The following DPP6 variants were observed in gnomAD, a reference collection of about 807,000 sequenced individuals.
The protein encoded by DPP6 is dipeptidyl peptidase like 6.
A neutral mutation model predicts 122.6 loss-of-function variants in DPP6; 69 were observed. The observed-to-expected ratio is 0.56, with a 90% CI of 0.46 to 0.69. The LOEUF (loss-of-function observed/expected upper bound fraction) is 0.69, where lower values mean the gene tolerates loss of function less well. Among genes scored for constraint, DPP6 ranks in the 30% least tolerant of loss-of-function variants. The probability of loss-of-function intolerance (pLI) is 0.00; values close to 1 mark genes in which losing one functional copy is unlikely to be tolerated. For synonymous variants in DPP6, 418 were observed against 433.1 expected (o/e 0.97, Z 0.43); for missense variants, 928 against 1,116.9 (o/e 0.83, Z 2.41).
intron 1 of DPP6, among the ~76,000 whole-genome samples, chr7:154,028,692 G>T (rs1334828688): frequency 1.3e-5 from 2 of 152,150 alleles, no homozygotes; most frequent in African/African-American, 2.4e-5. Context: ...TGAAGAAGCT[G>T]ATAGAAGCAG....
At chr7:154,150,637 G>A (rs1255508000) in intron 1 of DPP6, among the ~76,000 whole-genome samples, 1 of 152,194 alleles carries the variant, frequency 6.6e-6, no homozygotes, top group Non-Finnish European at 1.5e-5. Flanking sequence ...TTTCACCTAG[G>A]ATGGCTTCCA....
intron 10 of DPP6, among the ~76,000 whole-genome samples, chr7:154,775,995 C>CG (rs1796536645): frequency 6.6e-6 from 1 of 152,006 alleles, no homozygotes; most frequent in Non-Finnish European, 1.5e-5. Flanking sequence ...TGCAACCCCC[C>CG]GCCGTTCCCC....
the DPP6 span, among the ~76,000 whole-genome samples, chr7:153,805,219 A>ATGG: frequency 6.6e-6 from 1 of 152,192 alleles, no homozygotes; most frequent in Non-Finnish European, 1.5e-5. Context: ...ATAGGAAGCA[A>ATGG]TGGTCTTTAT....
At chr7:153,909,996 C>T (rs1203026036) in intron 1 of DPP6, among the ~76,000 whole-genome samples, 2 of 152,178 alleles carry the variant, frequency 1.3e-5, no homozygotes, top group African/African-American at 4.8e-5. Context: ...TGCCTACATC[C>T]ACCCTCTCTC....
At chr7:153,854,325 C>A in the DPP6 span, among the ~76,000 whole-genome samples, 1 of 151,796 alleles carries the variant, frequency 6.6e-6, no homozygotes, top group African/African-American at 2.4e-5. Context: ...ACTTGGTGAT[C>A]GCAACCTACT....
At chr7:153,748,297 G>T in the DPP6 span, among the ~76,000 whole-genome samples, 1 of 150,492 alleles carries the variant, frequency 6.6e-6, no homozygotes, top group South Asian at 2.1e-4. Flanking sequence ...AAGATTTGGC[G>T]GCTGGAGCCC....
chr7:154,731,227 C>G (rs936440730), intron 8 of DPP6, among the ~76,000 whole-genome samples: 8 of 152,202 alleles, frequency 5.3e-5, no homozygotes, highest in Non-Finnish European at 7.4e-5. Flanking sequence ...ATGAAAATGC[C>G]CTAAAGCATT....
At chr7:154,685,533 G>T (rs1420110087) in intron 7 of DPP6, among the ~76,000 whole-genome samples, 1 of 152,194 alleles carries the variant, frequency 6.6e-6, no homozygotes, top group African/African-American at 2.4e-5. Flanking sequence ...TTACAGGCGG[G>T]ACTGGGACTG....
At chr7:154,527,937 A>G (rs923232585) in intron 3 of DPP6, among the ~76,000 whole-genome samples, 1 of 152,204 alleles carries the variant, frequency 6.6e-6, no homozygotes, top group Non-Finnish European at 1.5e-5. Context: ...CTGGCATTTT[A>G]TCTAATTGTT....
intron 7 of DPP6, among the ~76,000 whole-genome samples, chr7:154,704,621 A>T (rs962229671): frequency 4.6e-5 from 7 of 152,238 alleles, no homozygotes; most frequent in Admixed American, 3.9e-4. Flanking sequence ...CATCAACATC[A>T]AGGCAACACC....
intron 6 of DPP6, among the ~76,000 whole-genome samples, chr7:154,664,422 A>T (rs1459224532): frequency 2.0e-5 from 3 of 152,230 alleles, no homozygotes; most frequent in African/African-American, 4.8e-5. Context: ...TAACAAACTG[A>T]ATTTCAATAT....
chr7:154,013,185 C>T (rs1175444522), intron 1 of DPP6, among the ~76,000 whole-genome samples: 2 of 152,208 alleles, frequency 1.3e-5, no homozygotes, highest in African/African-American at 2.4e-5. Flanking sequence ...AGTCCTGTAG[C>T]GTATGTAATC....
At chr7:154,656,210 G>C (rs1357395461) in intron 6 of DPP6, among the ~76,000 whole-genome samples, 2 of 107,930 alleles carry the variant, frequency 1.9e-5, no homozygotes, top group South Asian at 3.9e-4. Context: ...CGAGAGGGAG[G>C]TGGGGGGAGA....
chr7:154,504,352 C>T (rs749927241), intron 3 of DPP6, among the ~76,000 whole-genome samples: 1 of 152,094 alleles, frequency 6.6e-6, no homozygotes, highest in Non-Finnish European at 1.5e-5. Flanking sequence ...TCTTGATCAC[C>T]GACCTATTAA....
At chr7:154,751,840 G>C (rs891030921) in intron 8 of DPP6, among the ~76,000 whole-genome samples, 1 of 152,064 alleles carries the variant, frequency 6.6e-6, no homozygotes, top group Non-Finnish European at 1.5e-5. Flanking sequence ...CATGGCCGGT[G>C]GGGGGTCCCT....
At chr7:154,141,309 C>T (rs897051541) in intron 1 of DPP6, among the ~76,000 whole-genome samples, 9 of 152,210 alleles carry the variant, frequency 5.9e-5, no homozygotes, top group African/African-American at 2.2e-4. Context: ...GTTGCAAAAA[C>T]ACCATATGCA....
intron 1 of DPP6, among the ~76,000 whole-genome samples, chr7:154,127,133 C>T (rs989130157): frequency 3.3e-5 from 5 of 152,136 alleles, no homozygotes; most frequent in Admixed American, 2.0e-4. Flanking sequence ...TTAAACATAA[C>T]GCTAACCTTG....
chr7:153,881,299 A>T, the DPP6 span, among the ~76,000 whole-genome samples: 1,180 of 152,334 alleles, frequency 7.7e-3, 5 homozygotes, highest in South Asian at 0.013. Flanking sequence ...CTATAAGATG[A>T]TTGATTTAAT....
intron 1 of DPP6, among the ~76,000 whole-genome samples, chr7:154,176,153 A>C (rs528954702): frequency 6.6e-6 from 1 of 152,344 alleles, no homozygotes; most frequent in Non-Finnish European, 1.5e-5. Context: ...GCCCTAAGCA[A>C]GTGAATTGAG....
Sources: allele counts gnomAD v4.1 joint callset (sites outside exome capture counted in the v4.1 genomes callset), GRCh38; gene constraint gnomAD v4.1.1; transcripts MANE v1.5; gene names NCBI Gene and HGNC (gene_info 2026-07-23, HGNC 2026-07-21).